The following SSBP3 variants were observed in gnomAD, a reference collection of about 807,000 sequenced individuals.
The protein encoded by SSBP3 is single-stranded DNA-binding protein 3.
Under a neutral mutation model 69.6 loss-of-function variants are expected in SSBP3, and 5 were observed. That is an observed-to-expected ratio of 0.07 (90% CI 0.04 to 0.15). SSBP3 has a LOEUF of 0.15. Ranked by LOEUF, SSBP3 falls within the 10% of genes least tolerant of loss-of-function variation. SSBP3 has a pLI of 1.00. For missense variants in SSBP3, 312 were observed against 534.0 expected (o/e 0.58, Z 4.10); for synonymous variants, 196 against 193.4 (o/e 1.01, Z -0.11).
chr1:54,332,955 T>C (rs536901551), intron 4 of SSBP3, among the ~76,000 whole-genome samples: 3 of 152,090 alleles, frequency 2.0e-5, no homozygotes, highest in Admixed American at 2.0e-4. Flanking sequence ...CGCGTGCGCC[T>C]CCTCCCACGC....
At chr1:54,399,014 C>T (rs1649097515) in intron 4 of SSBP3, among the ~76,000 whole-genome samples, 2 of 152,176 alleles carry the variant, frequency 1.3e-5, no homozygotes, top group South Asian at 2.1e-4. Context: ...TCAAAATCAC[C>T]TTGTTCGAGA....
At chr1:54,383,384 G>GA (rs71736550) in intron 4 of SSBP3, among the ~76,000 whole-genome samples, 4 of 148,136 alleles carry the variant, frequency 2.7e-5, no homozygotes, top group South Asian at 2.1e-4. Context: ...TCTCTAAAAG[G>GA]AAAAAAAAAA....
At chr1:54,267,753 A>AT (rs1358971003) in intron 5 of SSBP3, among the ~76,000 whole-genome samples, 1 of 152,182 alleles carries the variant, frequency 6.6e-6, no homozygotes, top group Non-Finnish European at 1.5e-5. Context: ...TGGGAATCAC[A>AT]TATCTATTCT....
intron 14 of SSBP3, chr1:54,236,893 G>A (rs1437362038): frequency 6.6e-6 from 1 of 152,202 alleles, no homozygotes; most frequent in African/African-American, 2.4e-5. Context: ...CGGGTACGAG[G>A]TGTGAACATT....
chr1:54,303,604 G>T (rs12038946), intron 4 of SSBP3, among the ~76,000 whole-genome samples: 10,730 of 152,140 alleles, frequency 0.071, 840 homozygotes, highest in East Asian at 0.26. Context: ...TCAAGAAACT[G>T]CATTAAACAG....
At chr1:54,241,068 C>T (rs1644628645) in intron 12 of SSBP3, 109 bp from the exon 13 acceptor site, 1 of 1,196,332 alleles carries the variant, frequency 8.4e-7, no homozygotes. Context: ...CCAGGCCCAG[C>T]CGCTATTCAT....
intron 4 of SSBP3, among the ~76,000 whole-genome samples, chr1:54,367,476 G>A (rs1647047613): frequency 6.6e-6 from 1 of 152,212 alleles, no homozygotes; most frequent in African/African-American, 2.4e-5. Flanking sequence ...AAAAGCATCT[G>A]AATCTGTCAA....
At chr1:54,405,688 C>A (rs1355143466) in intron 1 of SSBP3, among the ~76,000 whole-genome samples, 1 of 151,948 alleles carries the variant, frequency 6.6e-6, no homozygotes, top group Non-Finnish European at 1.5e-5. Flanking sequence ...GCGCTCGACC[C>A]GCGCCACGGC....
chr1:54,242,748 G>C (rs1205698370), intron 10 of SSBP3: 2 of 162,546 alleles, frequency 1.2e-5, no homozygotes, highest in South Asian at 1.7e-4. Context: ...TCAGGAGTTC[G>C]AGACCACCCT....
At chr1:54,293,510 A>T (rs1052718826) in intron 4 of SSBP3, among the ~76,000 whole-genome samples, 2 of 152,224 alleles carry the variant, frequency 1.3e-5, no homozygotes, top group Non-Finnish European at 2.9e-5. Context: ...CCATTCAGAG[A>T]AGAATAACCT....
intron 5 of SSBP3, among the ~76,000 whole-genome samples, chr1:54,263,391 T>G (rs2100777894): frequency 6.6e-6 from 1 of 152,300 alleles, no homozygotes; most frequent in South Asian, 2.1e-4. Context: ...CAATCCCAGC[T>G]CCTCCGGTTC....
chr1:54,369,747 G>A lies in SSBP3; in HGVS notation c.276+32114C>T, dbSNP rs529595933. Among the ~76,000 whole-genome samples, 64 of 151,756 alleles carry A rather than the reference G, an allele frequency of 4.2e-4. 1 individual carries two copies. The Middle Eastern group carries it at 0.01, about 24-fold the overall frequency. ...ACTCAGACTCACCAACCAGTCTGAG[G>A]ACGCTCAGAACAGAATCAGATACTC... is the stretch of plus-strand genomic sequence containing the variant. On this transcript the variant is annotated intron_variant, in intron 4 of 17. Coordinates refer to ENST00000610401, the Ensembl canonical transcript of SSBP3.
chr1:54,398,807 T>G (rs1462686045), intron 4 of SSBP3, among the ~76,000 whole-genome samples: 1 of 152,018 alleles, frequency 6.6e-6, no homozygotes, highest in Non-Finnish European at 1.5e-5. Context: ...CAGATGTGAG[T>G]TCCCCCAATG....
upstream of SSBP3, among the ~76,000 whole-genome samples, chr1:54,407,251 C>T (rs763464833): frequency 3.8e-4 from 58 of 152,282 alleles, 2 homozygotes; most frequent in Middle Eastern, 6.8e-3. Context: ...AAGTTAGCCC[C>T]TCGGCTTCTG....
chr1:54,385,087 G>A (rs906176401), intron 4 of SSBP3, among the ~76,000 whole-genome samples: 1 of 152,216 alleles, frequency 6.6e-6, no homozygotes, highest in Non-Finnish European at 1.5e-5. Context: ...GAAGTAGGAA[G>A]TCATCCTGAG....
chr1:54,260,282 G>A (rs1000562780), intron 5 of SSBP3, among the ~76,000 whole-genome samples: 6 of 152,254 alleles, frequency 3.9e-5, no homozygotes, highest in African/African-American at 9.6e-5. Context: ...TGGTTCCTCG[G>A]CTCTTGGCAA....
chr1:54,390,982 G>A (rs1461182065), intron 4 of SSBP3, among the ~76,000 whole-genome samples: 2 of 152,258 alleles, frequency 1.3e-5, no homozygotes, highest in Non-Finnish European at 2.9e-5. Flanking sequence ...GCACCGGCTG[G>A]ATGGCCAAAG....
At chr1:54,413,005 C>A (rs749473889) in intron 1 of SSBP3, 1 of 152,196 alleles carries the variant, frequency 6.6e-6, no homozygotes, top group Non-Finnish European at 1.5e-5. Flanking sequence ...TGAGCCACCG[C>A]GCCTGGCCTG....
At chr1:54,332,455 G>A (rs1458015156) in intron 4 of SSBP3, among the ~76,000 whole-genome samples, 1 of 152,210 alleles carries the variant, frequency 6.6e-6, no homozygotes, top group Non-Finnish European at 1.5e-5. Context: ...CCTCAGCCAG[G>A]TCAAGCTGCC....
Sources: allele counts gnomAD v4.1 joint callset (sites outside exome capture counted in the v4.1 genomes callset), GRCh38; gene constraint gnomAD v4.1.1; transcripts MANE v1.5; gene names NCBI Gene and HGNC (gene_info 2026-07-23, HGNC 2026-07-21).